Variants in CTNNA2 observed in about 807,000 individuals in gnomAD.
CTNNA2 encodes catenin alpha 2, also known as catenin alpha-2.
A neutral mutation model predicts 101.0 loss-of-function variants in CTNNA2; 42 were observed. That is an observed-to-expected ratio of 0.42 (90% CI 0.32 to 0.54). The LOEUF is 0.54. Among genes scored for constraint, CTNNA2 ranks in the 20% least tolerant of loss-of-function variants. CTNNA2 has a pLI of 0.14. For missense variants in CTNNA2, 871 were observed against 1,223.1 expected, an observed-to-expected ratio of 0.71 and a Z score of 4.29; for synonymous variants, 450 against 456.4, an observed-to-expected ratio of 0.99 and a Z score of 0.18.
chr2:79,289,404 T>C (rs952370256), intron 2 of CTNNA2, among the ~76,000 whole-genome samples: 2 of 152,182 alleles, frequency 1.3e-5, no homozygotes, highest in Non-Finnish European at 2.9e-5. Context: ...GAAATTATAT[T>C]CACTTTCCAG....
chr2:79,983,766 G>A (rs1237753699), intron 7 of CTNNA2, among the ~76,000 whole-genome samples: 3 of 152,100 alleles, frequency 2.0e-5, no homozygotes, highest in African/African-American at 7.2e-5. Context: ...TTAAAATTGT[G>A]TTTGATTTGC....
At chr2:80,082,530 G>A (rs375965836) in intron 7 of CTNNA2, among the ~76,000 whole-genome samples, 1 of 152,008 alleles carries the variant, frequency 6.6e-6, no homozygotes, top group African/African-American at 2.4e-5. Context: ...CAGGTTCTTG[G>A]GTAAACTCCA....
At chr2:79,648,691 A>C (rs1332941039) in intron 1 of CTNNA2, among the ~76,000 whole-genome samples, 1 of 152,164 alleles carries the variant, frequency 6.6e-6, no homozygotes, top group Non-Finnish European at 1.5e-5. Flanking sequence ...GGAATCTTAC[A>C]TATCAACATC....
chr2:80,368,600 T>G (rs1346114624), intron 7 of CTNNA2, among the ~76,000 whole-genome samples: 1 of 152,052 alleles, frequency 6.6e-6, no homozygotes, highest in Admixed American at 6.6e-5. Context: ...TTAGCCTGAT[T>G]GATCTATTTT....
At chr2:80,455,529 G>A (rs984137614) in intron 9 of CTNNA2, among the ~76,000 whole-genome samples, 1 of 152,200 alleles carries the variant, frequency 6.6e-6, no homozygotes, top group African/African-American at 2.4e-5. Flanking sequence ...CCGTGAAGTT[G>A]CGAGTTAGTG....
At chr2:79,198,674 G>T (rs777598374) in intron 2 of CTNNA2, among the ~76,000 whole-genome samples, 5 of 147,704 alleles carry the variant, frequency 3.4e-5, no homozygotes, top group Non-Finnish European at 7.5e-5. Flanking sequence ...GTTAACTGAT[G>T]CTACTCATTG....
intron 4 of CTNNA2, among the ~76,000 whole-genome samples, chr2:79,475,911 C>G (rs1332700761): frequency 6.6e-6 from 1 of 152,000 alleles, no homozygotes; most frequent in Non-Finnish European, 1.5e-5. Context: ...GTTGACCAAC[C>G]CCGAATTGAA....
chr2:79,591,729 G>C (rs1327457423), intron 1 of CTNNA2, among the ~76,000 whole-genome samples: 2 of 152,132 alleles, frequency 1.3e-5, no homozygotes, highest in Admixed American at 6.5e-5. Context: ...AAGTCTTAGA[G>C]AAAGAGAAAG....
At position 80,646,215 on chromosome 2, in the gene CTNNA2, G is replaced by C. The variant is rs574924570; in HGVS notation, c.2575-1370G>C. On this transcript the variant is annotated intron_variant, in intron 18 of 18. Transcript: ENST00000402739. Reference sequence around the variant, plus strand: ...CACTTTCTTAGTCACCTAGCCCCCAGAAGGCTTAATGCAGCTACAGTTCAT... The same window carrying C: ...CACTTTCTTAGTCACCTAGCCCCCACAAGGCTTAATGCAGCTACAGTTCAT... Among the ~76,000 whole-genome samples the C allele has an allele frequency of 2.6e-4, 39 of 152,218 alleles. No individual in the cohort carries two copies. The Middle Eastern group carries it at 0.014, about 53-fold the overall frequency.
chr2:79,721,322 T>C (rs1257707049), intron 2 of CTNNA2, among the ~76,000 whole-genome samples: 2 of 152,174 alleles, frequency 1.3e-5, no homozygotes. Flanking sequence ...TCTTGCTGTG[T>C]CATAAAATGG....
intron 2 of CTNNA2, among the ~76,000 whole-genome samples, chr2:79,743,080 G>A (rs1671402466): frequency 6.6e-6 from 1 of 151,970 alleles, no homozygotes; most frequent in African/African-American, 2.4e-5. Context: ...TTGTAGACTG[G>A]CTTTCTTAAT....
chr2:79,504,800 A>G (rs545720186), intron 4 of CTNNA2, among the ~76,000 whole-genome samples: 1 of 152,322 alleles, frequency 6.6e-6, no homozygotes, highest in South Asian at 2.1e-4. Context: ...AAGTACAGTG[A>G]AAAGGGTGTA....
chr2:80,123,794 C>G (rs1219702184), intron 7 of CTNNA2, among the ~76,000 whole-genome samples: 1 of 152,122 alleles, frequency 6.6e-6, no homozygotes, highest in Non-Finnish European at 1.5e-5. Flanking sequence ...TTACTGGATT[C>G]CTCTTCCATT....
At chr2:79,616,930 C>G (rs903943010) in intron 1 of CTNNA2, among the ~76,000 whole-genome samples, 1 of 148,016 alleles carries the variant, frequency 6.8e-6, no homozygotes, top group Non-Finnish European at 1.5e-5. Flanking sequence ...GAGACACAGT[C>G]TTGCTCCGTC....
chr2:79,992,629 T>G (rs1442472183), intron 7 of CTNNA2, among the ~76,000 whole-genome samples: 2 of 152,196 alleles, frequency 1.3e-5, no homozygotes, highest in African/African-American at 2.4e-5. Flanking sequence ...ATATGGGAGT[T>G]GTATTTTCCT....
intron 4 of CTNNA2, among the ~76,000 whole-genome samples, chr2:79,492,891 C>T (rs1044572168): frequency 6.6e-6 from 1 of 152,102 alleles, no homozygotes; most frequent in African/African-American, 2.4e-5. Flanking sequence ...CCCAGAAATG[C>T]AAAGTTGGCT....
intron 2 of CTNNA2, among the ~76,000 whole-genome samples, chr2:79,284,989 A>G (rs7557398): frequency 0.48 from 29,726 of 61,878 alleles, 6,792 homozygotes; most frequent in East Asian, 0.6. Flanking sequence ...TTAGTCTTGG[A>G]AGAGTGTATG....
intron 7 of CTNNA2, among the ~76,000 whole-genome samples, chr2:80,124,577 G>T (rs116332704): frequency 1.3e-5 from 2 of 151,852 alleles, no homozygotes. Flanking sequence ...ATATTTTCTC[G>T]TATATAGTAC....
At chr2:79,799,488 A>G (rs531022809) in intron 3 of CTNNA2, among the ~76,000 whole-genome samples, 4 of 152,258 alleles carry the variant, frequency 2.6e-5, no homozygotes, top group South Asian at 2.1e-4. Flanking sequence ...AATGAGCCCT[A>G]TTGTATTGTG....
Sources: gnomAD v4.1 joint callset for allele counts (sites outside exome capture counted in the v4.1 genomes callset) on GRCh38, gnomAD v4.1.1 for gene constraint, MANE v1.5 for transcripts, NCBI Gene and HGNC (gene_info 2026-07-23, HGNC 2026-07-21) for gene names.